Variants in LYZL4 observed in about 807,000 individuals in gnomAD.
LYZL4 encodes lysozyme like 4, also known as lysozyme-like protein 4.
LYZL4 carries 13 observed loss-of-function variants against 17.6 expected under a neutral mutation model. The ratio of observed to expected loss-of-function variants is 0.74; its 90% CI spans 0.48 to 1.18. LYZL4 has a LOEUF of 1.18. Ranked by LOEUF, LYZL4 falls within the 50% of genes most tolerant of loss-of-function variation. The pLI is 0.00. For missense variants in LYZL4, 174 were observed against 188.2 expected (o/e 0.92, Z 0.44); for synonymous variants, 64 against 67.7 (o/e 0.95, Z 0.27).
At chr3:42,387,071 T>C in the LYZL4 span, among the ~76,000 whole-genome samples, 1 of 152,244 alleles carries the variant, frequency 6.6e-6, no homozygotes, top group Non-Finnish European at 1.5e-5. Context: ...TCACCCACTT[T>C]ACTTTTACTC....
At chr3:42,400,444 T>C (rs529995077) in intron 4 of LYZL4, among the ~76,000 whole-genome samples, 6 of 152,322 alleles carry the variant, frequency 3.9e-5, no homozygotes, top group African/African-American at 1.2e-4. Context: ...GCCTTGGTTT[T>C]CTCATTTTGA....
chr3:42,383,268 T>C, the LYZL4 span, among the ~76,000 whole-genome samples: 1 of 152,048 alleles, frequency 6.6e-6, no homozygotes, highest in Non-Finnish European at 1.5e-5. Flanking sequence ...CAGCCAAGCC[T>C]ATATACTCCA....
At chr3:42,401,230 A>T (rs1698646904) in intron 4 of LYZL4, among the ~76,000 whole-genome samples, 1 of 152,062 alleles carries the variant, frequency 6.6e-6, no homozygotes, top group South Asian at 2.1e-4. Flanking sequence ...TTTTTTTTTG[A>T]GACAGAGTCT....
At chr3:42,365,910 T>C in the LYZL4 span, among the ~76,000 whole-genome samples, 1 of 152,174 alleles carries the variant, frequency 6.6e-6, no homozygotes, top group Non-Finnish European at 1.5e-5. Context: ...TGTTTAAAAC[T>C]TAAACAAGTA....
the LYZL4 span, among the ~76,000 whole-genome samples, chr3:42,360,770 T>C: frequency 6.6e-5 from 10 of 151,476 alleles, no homozygotes; most frequent in Middle Eastern, 3.4e-3. Flanking sequence ...ACCTTAAATA[T>C]TTATATGCAG....
chr3:42,384,394 G>A, the LYZL4 span, among the ~76,000 whole-genome samples: 90,939 of 151,832 alleles, frequency 0.6, 28,369 homozygotes, highest in East Asian at 0.83. Context: ...TCTCAGGAGA[G>A]AGGTGAAATT....
At chr3:42,390,252 C>T in the LYZL4 span, among the ~76,000 whole-genome samples, 5 of 152,272 alleles carry the variant, frequency 3.3e-5, no homozygotes, top group East Asian at 5.8e-4. Context: ...TGAATGCTTG[C>T]CTTAAGATGC....
the LYZL4 span, among the ~76,000 whole-genome samples, chr3:42,367,706 C>T: frequency 1.5e-3 from 229 of 152,310 alleles, no homozygotes; most frequent in African/African-American, 5.3e-3. Context: ...ATATGAGGGG[C>T]TTTCTTGAAT....
intron 4 of LYZL4, 125 bp from the exon 5 acceptor site, chr3:42,397,459 G>A: frequency 1.6e-6 from 1 of 643,310 alleles, no homozygotes; most frequent in East Asian, 2.8e-5. Context: ...TTCCACCTCT[G>A]CCGTGGGCAC....
chr3:42,390,698 T>C, the LYZL4 span, among the ~76,000 whole-genome samples: 2 of 152,216 alleles, frequency 1.3e-5, no homozygotes, highest in Non-Finnish European at 2.9e-5. Flanking sequence ...CCACCATCCA[T>C]GGCTTTACCC....
At chr3:42,372,016 C>G in the LYZL4 span, among the ~76,000 whole-genome samples, 1 of 152,186 alleles carries the variant, frequency 6.6e-6, no homozygotes, top group East Asian at 1.9e-4. Context: ...AATAGTGCTG[C>G]CTGCCTCTGT....
At chr3:42,382,882 C>T in the LYZL4 span, among the ~76,000 whole-genome samples, 2 of 152,044 alleles carry the variant, frequency 1.3e-5, no homozygotes, top group South Asian at 2.1e-4. Flanking sequence ...ACTCTTTGGC[C>T]AGCATAGAAC....
At chr3:42,406,446 T>A (rs1698751475) in intron 3 of LYZL4, among the ~76,000 whole-genome samples, 1 of 106,148 alleles carries the variant, frequency 9.4e-6, no homozygotes, top group Non-Finnish European at 1.8e-5. Flanking sequence ...TCAGTGAGAC[T>A]CCGTCTCAAA....
At chr3:42,376,654 CG>C in the LYZL4 span, among the ~76,000 whole-genome samples, 1 of 152,164 alleles carries the variant, frequency 6.6e-6, no homozygotes, top group East Asian at 1.9e-4. Context: ...TTTCCTCTGG[CG>C]GGGGCGGATC....
chr3:42,405,635 T>C (rs1559456034), intron 3 of LYZL4, among the ~76,000 whole-genome samples: 1 of 151,888 alleles, frequency 6.6e-6, no homozygotes, highest in South Asian at 2.1e-4. Flanking sequence ...TGGAAAGAGG[T>C]TTGCTCATTA....
chr3:42,370,519 TAG>T, the LYZL4 span, among the ~76,000 whole-genome samples: 2 of 152,288 alleles, frequency 1.3e-5, no homozygotes, highest in African/African-American at 4.8e-5. Context: ...TGGCCTGAAG[TAG>T]AGTCATGCCA....
intron 4 of LYZL4, among the ~76,000 whole-genome samples, chr3:42,401,155 CG>C (rs1698645207): frequency 6.6e-6 from 1 of 152,062 alleles, no homozygotes; most frequent in Non-Finnish European, 1.5e-5. Flanking sequence ...AAAGCTAACA[CG>C]GGACCTATGC....
chr3:42,398,486 T>C (rs1011601418), intron 4 of LYZL4, among the ~76,000 whole-genome samples: 7 of 152,180 alleles, frequency 4.6e-5, no homozygotes, highest in Non-Finnish European at 7.3e-5. Context: ...CCAAAGTCAG[T>C]TAACATTAAT....
chr3:42,386,198 G>A, the LYZL4 span, among the ~76,000 whole-genome samples: 2 of 152,068 alleles, frequency 1.3e-5, no homozygotes, highest in East Asian at 3.8e-4. Context: ...CACCTCCCGG[G>A]TTCAAGAGAT....
Sources: allele counts gnomAD v4.1 joint callset (sites outside exome capture counted in the v4.1 genomes callset), GRCh38; gene constraint gnomAD v4.1.1; transcripts MANE v1.5; gene names NCBI Gene and HGNC (gene_info 2026-07-23, HGNC 2026-07-21).